ERICH3: variants seen among roughly 807,000 people sequenced by gnomAD.
ERICH3 encodes the protein glutamate-rich protein 3.
In ERICH3, 126 loss-of-function variants were observed where a neutral mutation model predicts 131.1. The ratio of observed to expected loss-of-function variants is 0.96; its 90% confidence interval spans 0.83 to 1.11. The LOEUF (loss-of-function observed/expected upper bound fraction) is 1.11, where lower values mean the gene tolerates loss of function less well. Among genes scored for constraint, ERICH3 ranks in the 50% most tolerant of loss-of-function variants. The pLI is 0.00. For missense variants in ERICH3, 2,050 were observed against 1,810.7 expected (o/e 1.13, Z -2.40); for synonymous variants, 695 against 644.6 (o/e 1.08, Z -1.18).
Position 74,571,956 on chromosome 1 carries a change from C to A in ERICH3, c.3754G>T (p.Ala1252Ser), listed in dbSNP as rs151238210. Residue 1252 changes from alanine to serine, a missense_variant, in exon 14 of 15, where the codon GCA (alanine) becomes TCA (serine). Coordinates refer to ENST00000326665, the MANE Select transcript of ERICH3 (RefSeq NM_001002912.5). ...ELAAKDHDSC[A>S]GLEGRAEGQG... ...CCTTCAGCTCTCCCCTCCAGTCCTG[C>A]GCAGGAGTCGTGATCTTTGGCTGCT... The A allele has an allele frequency of 4.5e-5, 72 of 1,613,642 alleles. No individual in the cohort carries two copies. In the African/African-American group the frequency reaches 8.8e-4, roughly 20 times the overall value.
intron 2 of ERICH3, among the ~76,000 whole-genome samples, chr1:74,649,007 C>T (rs1646509302): frequency 6.6e-6 from 1 of 152,082 alleles, no homozygotes; most frequent in Non-Finnish European, 1.5e-5. Flanking sequence ...GGACCTTTTC[C>T]TCAATAATTT....
chr1:74,633,720 C>T (rs970729624), intron 6 of ERICH3, among the ~76,000 whole-genome samples: 2 of 151,998 alleles, frequency 1.3e-5, no homozygotes, highest in Non-Finnish European at 2.9e-5. Context: ...TACAACAGTA[C>T]AAAATATTCT....
chr1:74,582,036 C>A (rs2100546884), intron 12 of ERICH3, among the ~76,000 whole-genome samples: 1 of 152,246 alleles, frequency 6.6e-6, no homozygotes, highest in South Asian at 2.1e-4. Context: ...TTGCCATCTT[C>A]TTTGTTATGG....
chr1:74,582,151 A>G (rs1570815738), intron 12 of ERICH3, among the ~76,000 whole-genome samples: 1 of 152,250 alleles, frequency 6.6e-6, no homozygotes, highest in Non-Finnish European at 1.5e-5. Context: ...GCAACAGTGG[A>G]GAACACTGAA....
intron 12 of ERICH3, among the ~76,000 whole-genome samples, chr1:74,585,578 T>C (rs1015396307): frequency 3.3e-5 from 5 of 152,142 alleles, no homozygotes; most frequent in African/African-American, 1.2e-4. Context: ...TAATTGTATA[T>C]GATTTTTAGC....
Position 74,568,830 on chromosome 1 carries a change from C to A in ERICH3, c.*1628G>T, listed in dbSNP as rs573226870. 4 of 152,170 alleles carry A rather than the reference C, an allele frequency of 2.6e-5. No individual in the cohort carries two copies. Among genetic ancestry groups the A allele is most frequent in the Non-Finnish European group, 5.9e-5 (4 of 68,016 alleles). The allele number at this position is 152,170 out of a possible 1,614,324, so 9.4% of individuals were successfully genotyped here. ...CCTCAATACAATCAATAGTCCATGACAGCAGTTTTTGGACATCAGTGTACA... is the reference window on the plus strand; with the variant it reads ...CCTCAATACAATCAATAGTCCATGAAAGCAGTTTTTGGACATCAGTGTACA... On this transcript the variant is annotated 3_prime_UTR_variant, in exon 15 of 15. Transcript: ENST00000326665.
chr1:74,637,407 A>T (rs922243959), intron 5 of ERICH3, among the ~76,000 whole-genome samples: 3 of 152,104 alleles, frequency 2.0e-5, no homozygotes, highest in African/African-American at 7.2e-5. Context: ...CATGCTTAGC[A>T]TCCCTAGTTG....
intron 13 of ERICH3, among the ~76,000 whole-genome samples, chr1:74,574,493 C>A (rs1647016601): frequency 1.3e-5 from 2 of 152,176 alleles, no homozygotes; most frequent in Non-Finnish European, 2.9e-5. Context: ...GTAAGTCTTA[C>A]CTTGAGCTAC....
intron 1 of ERICH3, among the ~76,000 whole-genome samples, chr1:74,668,359 A>G (rs1646710815): frequency 6.6e-6 from 1 of 152,216 alleles, no homozygotes; most frequent in South Asian, 2.1e-4. Context: ...TTGAGCTTAG[A>G]AAAACATCTG....
At chr1:74,604,602 C>A (rs114874673) in intron 10 of ERICH3, among the ~76,000 whole-genome samples, 8 of 151,860 alleles carry the variant, frequency 5.3e-5, no homozygotes, top group African/African-American at 1.7e-4. Flanking sequence ...TGTTAGCAGG[C>A]GTGAAAACAA....
At chr1:74,614,353 C>T (rs904497759) in intron 8 of ERICH3, among the ~76,000 whole-genome samples, 1 of 140,498 alleles carries the variant, frequency 7.1e-6, no homozygotes. Context: ...ACTGTGTGTA[C>T]CACATTTTTT....
At chr1:74,587,324 CAAAAA>C (rs11330631) in intron 12 of ERICH3, among the ~76,000 whole-genome samples, 3 of 56,286 alleles carry the variant, frequency 5.3e-5, no homozygotes, top group Non-Finnish European at 7.7e-5. Context: ...GACTCCATCT[CAAAAA>C]AAAAAAAAAA....
chr1:74,659,699 A>G (rs965601994), intron 1 of ERICH3, among the ~76,000 whole-genome samples: 3 of 152,192 alleles, frequency 2.0e-5, no homozygotes, highest in African/African-American at 7.2e-5. Flanking sequence ...AATCTGCAAA[A>G]CATCCTATGT....
chr1:74,636,802 T>C (rs548980834), intron 5 of ERICH3, among the ~76,000 whole-genome samples: 1 of 152,304 alleles, frequency 6.6e-6, no homozygotes, highest in South Asian at 2.1e-4. Context: ...TGTTCCTATT[T>C]TAGGGGTCTA....
intron 13 of ERICH3, among the ~76,000 whole-genome samples, chr1:74,574,996 A>AT (rs955314957): frequency 1.3e-5 from 2 of 151,922 alleles, no homozygotes; most frequent in African/African-American, 4.8e-5. Context: ...ACTTAAAAAA[A>AT]AAAAAACTTA....
At position 74,628,432 on chromosome 1, in the gene ERICH3, A is replaced by C. The variant is rs191031742; in HGVS notation, c.819+3281T>G. 1.2e-4 allele frequency among the ~76,000 whole-genome samples: 18 copies of C among 152,326 alleles called. No individual in the cohort carries two copies. In the East Asian group the frequency reaches 3.5e-3, roughly 29 times the overall value. On this transcript the variant is annotated intron_variant, in intron 7 of 14. Transcript: ENST00000326665. ...GTATTGATAAATACAGTACAGTAGTATAAATGTATTTTCTCTTATTTACAG... is the reference window on the plus strand; with the variant it reads ...GTATTGATAAATACAGTACAGTAGTCTAAATGTATTTTCTCTTATTTACAG...
chr1:74,584,853 C>T (rs775692834), intron 12 of ERICH3, among the ~76,000 whole-genome samples: 7 of 152,170 alleles, frequency 4.6e-5, no homozygotes, highest in Non-Finnish European at 8.8e-5. Flanking sequence ...CAACCACATG[C>T]TTCCACAGGT....
At position 74,590,128 on chromosome 1, in the gene ERICH3, T is replaced by C. The variant is rs1002414459; in HGVS notation, c.1727-48A>G. On this transcript the variant is annotated intron_variant, in intron 11 of 14. Transcript: ENST00000326665. ...CATTGTTGTTGTTCTGTAAAGCAATTGGTTTAATTGTAAAAATTATGTTAG... is the reference window on the plus strand; with the variant it reads ...CATTGTTGTTGTTCTGTAAAGCAATCGGTTTAATTGTAAAAATTATGTTAG... The C allele has an allele frequency of 4.2e-6, 6 of 1,416,928 alleles. No homozygotes were observed. In the African/African-American group the frequency reaches 8.7e-5, roughly 21 times the overall value. 87.8% of individuals were successfully genotyped at this position (1,416,928 alleles called of 1,614,324 possible).
At chr1:74,641,763 G>A (rs1646439792) in intron 4 of ERICH3, among the ~76,000 whole-genome samples, 1 of 152,050 alleles carries the variant, frequency 6.6e-6, no homozygotes, top group South Asian at 2.1e-4. Flanking sequence ...TAGACTACCA[G>A]AAATAGTACT....
Sources: gnomAD v4.1 joint callset for allele counts (sites outside exome capture counted in the v4.1 genomes callset) on GRCh38, gnomAD v4.1.1 for gene constraint, MANE v1.5 for transcripts, NCBI Gene and HGNC (gene_info 2026-07-23, HGNC 2026-07-21) for gene names.